The following PDZRN3 variants were observed in gnomAD, a reference collection of about 807,000 sequenced individuals.
PDZRN3 encodes E3 ubiquitin-protein ligase PDZRN3.
Under a neutral mutation model 85.7 loss-of-function variants are expected in PDZRN3, and 38 were observed. The observed-to-expected ratio is 0.44, with a 90% confidence interval of 0.34 to 0.58. PDZRN3 has a LOEUF of 0.58. Among genes scored for constraint, PDZRN3 ranks in the 20% least tolerant of loss-of-function variants. The pLI, the probability that PDZRN3 is intolerant of heterozygous loss-of-function variation, is 0.01. For missense variants in PDZRN3, 1,629 were observed against 1,506.4 expected (o/e 1.08, Z -1.35); for synonymous variants, 759 against 638.0 (o/e 1.19, Z -2.86).
chr3:73,596,084 G>A (rs1218839538), intron 3 of PDZRN3, among the ~76,000 whole-genome samples: 3 of 152,090 alleles, frequency 2.0e-5, no homozygotes. Flanking sequence ...CTTGTGCCAG[G>A]AAGTAGGAAA....
chr3:73,542,448 C>G (rs565747210), intron 3 of PDZRN3, among the ~76,000 whole-genome samples: 1 of 152,130 alleles, frequency 6.6e-6, no homozygotes, highest in East Asian at 1.9e-4. Flanking sequence ...AAGTCTTCCA[C>G]GTGGACCATG....
chr3:73,483,385 T>C (rs1184822214), intron 3 of PDZRN3, among the ~76,000 whole-genome samples: 2 of 152,236 alleles, frequency 1.3e-5, no homozygotes, highest in Admixed American at 6.5e-5. Context: ...TTGTCAACCA[T>C]ATCTTCACAG....
chr3:73,385,774 G>C lies in PDZRN3; in HGVS notation c.1530C>G (p.Gly510=). ...IARPELQLDE[G]WMDDDRNDFL... ...AGTCGTTCCTGTCATCATCCATCCAGCCCTCATCCAGCTGCAGGCAAGAGC... is the reference window on the plus strand; with the variant it reads ...AGTCGTTCCTGTCATCATCCATCCACCCCTCATCCAGCTGCAGGCAAGAGC... The change falls in exon 9 of 10, where the codon GGC becomes GGG. Residue 510 remains glycine (G), a synonymous_variant. Coordinates refer to ENST00000263666, the MANE Select transcript of PDZRN3 (RefSeq NM_015009.3). The C allele has an allele frequency of 6.2e-7, 1 of 1,607,872 alleles. No individual in the cohort carries two copies. Among genetic ancestry groups the C allele is most frequent in the Non-Finnish European group, 8.5e-7 (1 of 1,174,378 alleles).
chr3:73,466,282 C>T (rs1008528789), intron 3 of PDZRN3, among the ~76,000 whole-genome samples: 6 of 150,188 alleles, frequency 4.0e-5, no homozygotes, highest in African/African-American at 1.2e-4. Context: ...TCTCCCCAAA[C>T]AAATGCAGTT....
intron 3 of PDZRN3, among the ~76,000 whole-genome samples, chr3:73,531,206 G>A (rs113447118): frequency 0.035 from 5,051 of 144,034 alleles, 279 homozygotes; most frequent in African/African-American, 0.12. Context: ...AGCCGAGATC[G>A]CGCCACTGCA....
intron 3 of PDZRN3, among the ~76,000 whole-genome samples, chr3:73,579,138 C>T (rs760610440): frequency 6.6e-6 from 1 of 152,112 alleles, no homozygotes; most frequent in South Asian, 2.1e-4. Context: ...ACCCTTGGGA[C>T]TAGGATTAGC....
chr3:73,533,453 A>G (rs768940373), intron 3 of PDZRN3, among the ~76,000 whole-genome samples: 22 of 152,216 alleles, frequency 1.4e-4, no homozygotes, highest in Admixed American at 2.6e-4. Context: ...TTTAAATCAC[A>G]TATCAATCTT....
At chr3:73,540,765 T>TGG (rs1704902693) in intron 3 of PDZRN3, among the ~76,000 whole-genome samples, 1 of 152,310 alleles carries the variant, frequency 6.6e-6, no homozygotes, top group South Asian at 2.1e-4. Context: ...TATCCATTCT[T>TGG]GGGCAGTTCT....
At chr3:73,525,789 G>A (rs1704508841) in intron 3 of PDZRN3, among the ~76,000 whole-genome samples, 2 of 152,164 alleles carry the variant, frequency 1.3e-5, no homozygotes, top group South Asian at 2.1e-4. Context: ...CCCCCTCAGC[G>A]AGGGCTTCCT....
intron 3 of PDZRN3, among the ~76,000 whole-genome samples, chr3:73,434,245 C>A (rs1702488962): frequency 6.6e-6 from 1 of 152,222 alleles, no homozygotes; most frequent in East Asian, 1.9e-4. Flanking sequence ...TTAGGATAAT[C>A]CCTAATGTGT....
chr3:73,403,431 T>C (rs1276664381), intron 4 of PDZRN3, among the ~76,000 whole-genome samples: 1 of 152,210 alleles, frequency 6.6e-6, no homozygotes, highest in East Asian at 1.9e-4. Context: ...ACATATTGTT[T>C]CATTTAATCC....
At chr3:73,569,376 G>A (rs570979792) in intron 3 of PDZRN3, 5 of 1,199,798 alleles carry the variant, frequency 4.2e-6, no homozygotes, top group African/African-American at 1.6e-5. Flanking sequence ...GGAGGGAGGG[G>A]GCCACATGTG....
intron 3 of PDZRN3, among the ~76,000 whole-genome samples, chr3:73,437,824 T>C (rs1386473969): frequency 2.0e-5 from 3 of 152,152 alleles, no homozygotes; most frequent in Non-Finnish European, 4.4e-5. Flanking sequence ...GAACACACAA[T>C]TGTGTAAAAA....
intron 3 of PDZRN3, among the ~76,000 whole-genome samples, chr3:73,414,721 T>C (rs935749206): frequency 2.0e-5 from 3 of 152,250 alleles, no homozygotes; most frequent in African/African-American, 7.2e-5. Context: ...ATTTTTTCTT[T>C]TGTTTTCCTA....
intron 3 of PDZRN3, among the ~76,000 whole-genome samples, chr3:73,514,399 T>G (rs532388771): frequency 2.0e-5 from 3 of 152,302 alleles, no homozygotes; most frequent in African/African-American, 7.2e-5. Context: ...AAGATTTTGG[T>G]TGAGAAAAGT....
At chr3:73,408,086 C>A (rs1381537111) in intron 3 of PDZRN3, 2 of 689,722 alleles carry the variant, frequency 2.9e-6, no homozygotes, top group Admixed American at 4.3e-5. Context: ...GTAGCCCATG[C>A]AGTTTTCAAT....
intron 3 of PDZRN3, among the ~76,000 whole-genome samples, chr3:73,542,306 T>C (rs928526440): frequency 1.3e-5 from 2 of 152,218 alleles, no homozygotes; most frequent in African/African-American, 2.4e-5. Flanking sequence ...CAAGGATTGT[T>C]TGTTTACATG....
At chr3:73,505,954 T>C (rs923329191) in intron 3 of PDZRN3, among the ~76,000 whole-genome samples, 3 of 152,054 alleles carry the variant, frequency 2.0e-5, no homozygotes, top group Non-Finnish European at 4.4e-5. Context: ...CATTTAAATA[T>C]GACAAGTATC....
intron 3 of PDZRN3, among the ~76,000 whole-genome samples, chr3:73,497,538 G>A (rs748790835): frequency 1.1e-4 from 17 of 152,146 alleles, no homozygotes; most frequent in Non-Finnish European, 1.9e-4. Context: ...GTACAGAAAG[G>A]CTCAAGAATT....
Sources: allele counts gnomAD v4.1 joint callset (sites outside exome capture counted in the v4.1 genomes callset), GRCh38; gene constraint gnomAD v4.1.1; transcripts MANE v1.5; gene names NCBI Gene and HGNC (gene_info 2026-07-23, HGNC 2026-07-21).